CSMD2: variants seen among roughly 807,000 people sequenced by gnomAD.
CSMD2 encodes the protein CUB and Sushi multiple domains 2.
In CSMD2, 130 loss-of-function variants were observed where a neutral mutation model predicts 398.5. The ratio of observed to expected loss-of-function variants is 0.33; its 90% CI spans 0.28 to 0.38. CSMD2 has a LOEUF of 0.38. Ranked by LOEUF, CSMD2 falls within the 10% of genes least tolerant of loss-of-function variation. The pLI is 1.00. For synonymous variants in CSMD2, 1,828 were observed against 1,908.5 expected (o/e 0.96, Z 1.10); for missense variants, 3,829 against 4,764.9 (o/e 0.80, Z 5.78).
At chr1:33,805,906 T>C (rs2124942303) in intron 10 of CSMD2, among the ~76,000 whole-genome samples, 1 of 152,080 alleles carries the variant, frequency 6.6e-6, no homozygotes. Flanking sequence ...AGTATTTTGT[T>C]ACAGTAGCCT....
At chr1:34,019,829 C>G (rs192247620) in intron 3 of CSMD2, among the ~76,000 whole-genome samples, 11 of 152,282 alleles carry the variant, frequency 7.2e-5, no homozygotes, top group African/African-American at 2.6e-4. Context: ...TCCGGCCACA[C>G]CCCTGCCCTC....
At chr1:33,866,574 A>C (rs906275590) in intron 5 of CSMD2, among the ~76,000 whole-genome samples, 2 of 152,218 alleles carry the variant, frequency 1.3e-5, no homozygotes, top group South Asian at 2.1e-4. Flanking sequence ...TTCATTGAGA[A>C]AATAGAGATC....
intron 3 of CSMD2, among the ~76,000 whole-genome samples, chr1:33,968,838 C>G (rs1433207099): frequency 1.3e-5 from 2 of 152,218 alleles, no homozygotes; most frequent in Non-Finnish European, 2.9e-5. Flanking sequence ...CTGTGATTAA[C>G]TATAACTGTG....
At position 33,943,779 on chromosome 1, in the gene CSMD2, G is replaced by A. The variant is rs1644752931; in HGVS notation, c.518-7825C>T. On this transcript the variant is annotated intron_variant, in intron 3 of 70. Transcript: ENST00000373381. ...TTTTCATCTCTGGACTCCTTGAGGG[G>A]CAGGAACAGTGCTGTATTCTTTATA... 2.6e-5 allele frequency among the ~76,000 whole-genome samples: 4 copies of A among 152,090 alleles called. No individual in the cohort carries two copies. The South Asian group carries it at 8.3e-4, about 32-fold the overall frequency.
rs536339646 is a variant in CSMD2 at position 33,537,677 on chromosome 1, C to T, written c.9632-68G>A. 4.4e-5 allele frequency: 65 copies of T among 1,488,206 alleles called. No homozygotes were observed. In the African/African-American group the frequency reaches 8.1e-4, roughly 19 times the overall value. 92.2% of individuals were successfully genotyped at this position (1,488,206 alleles called of 1,614,324 possible). ...AGAACCCAATCTTCCAGTCCCACAC[C>T]CCCATCTTTGTTCTTTGCACTGCTC... On this transcript the variant is annotated intron_variant, in intron 60 of 70. Transcript: ENST00000373381. The surrounding 1 kb of genome is among the most constrained non-coding windows in gnomAD (Gnocchi z 4.6).
chr1:33,819,590 G>C (rs1486574509), intron 9 of CSMD2, 123 bp downstream of exon 9: 1 of 782,270 alleles, frequency 1.3e-6, no homozygotes. Flanking sequence ...TAAGTGCAGG[G>C]AGTGAGGGGG....
intron 17 of CSMD2, among the ~76,000 whole-genome samples, 168 bp from the exon 18 acceptor site, chr1:33,724,872 C>T (rs974869736): frequency 1.3e-5 from 2 of 152,210 alleles, no homozygotes; most frequent in Middle Eastern, 3.2e-3. Flanking sequence ...GGCTTAGGTG[C>T]TATGCTAAGG....
intron 25 of CSMD2, among the ~76,000 whole-genome samples, chr1:33,691,402 C>T (rs867742156): frequency 6.6e-6 from 1 of 152,138 alleles, no homozygotes; most frequent in Non-Finnish European, 1.5e-5. Flanking sequence ...ATGCAAAGTC[C>T]CTATGTACAC....
At chr1:33,772,412 C>T (rs1396407953) in intron 13 of CSMD2, 157 bp downstream of exon 13, 1 of 616,134 alleles carries the variant, frequency 1.6e-6, no homozygotes, top group East Asian at 2.8e-5. Flanking sequence ...AATAAGGACC[C>T]CACCAGCAAC....
chr1:33,829,483 T>C (rs1659227273), intron 6 of CSMD2, among the ~76,000 whole-genome samples: 1 of 152,226 alleles, frequency 6.6e-6, no homozygotes, highest in Non-Finnish European at 1.5e-5. Flanking sequence ...GTCGGTGTGC[T>C]GCACCCATTA....
At chr1:33,739,465 G>A (rs575693863) in intron 14 of CSMD2, 131 bp from the exon 15 acceptor site, 23 of 818,136 alleles carry the variant, frequency 2.8e-5, no homozygotes, top group African/African-American at 1.5e-4. Flanking sequence ...CCATGTTGGC[G>A]GGAGAGCTAG....
intron 2 of CSMD2, among the ~76,000 whole-genome samples, chr1:34,082,525 G>A (rs1288803590): frequency 3.3e-5 from 5 of 151,460 alleles, no homozygotes; most frequent in African/African-American, 7.3e-5. Context: ...CGCCACGTCT[G>A]GGGGGTGGGG....
intron 1 of CSMD2, among the ~76,000 whole-genome samples, chr1:34,139,912 G>A (rs1639113667): frequency 6.6e-6 from 1 of 152,158 alleles, no homozygotes; most frequent in African/African-American, 2.4e-5. Flanking sequence ...TGTGTGGGAA[G>A]GAACAGGCAA....
At chr1:34,148,148 C>T (rs563039351) in intron 1 of CSMD2, among the ~76,000 whole-genome samples, 59 of 152,340 alleles carry the variant, frequency 3.9e-4, no homozygotes, top group African/African-American at 1.4e-3. Context: ...TACCCCCTTG[C>T]CACCTACCTG....
At chr1:33,975,488 C>T (rs200631804) in intron 3 of CSMD2, among the ~76,000 whole-genome samples, 3 of 110,142 alleles carry the variant, frequency 2.7e-5, no homozygotes, top group Admixed American at 1.6e-4. Context: ...CCCAAGTGTA[C>T]ACACACACAC....
intron 5 of CSMD2, among the ~76,000 whole-genome samples, chr1:33,891,093 T>C (rs993724211): frequency 1.1e-4 from 16 of 151,942 alleles, no homozygotes; most frequent in Non-Finnish European, 2.1e-4. Flanking sequence ...CAAAAGAAAC[T>C]ACCATCAGAG....
intron 23 of CSMD2, among the ~76,000 whole-genome samples, chr1:33,699,540 A>G (rs1263794758): frequency 6.6e-6 from 1 of 152,342 alleles, no homozygotes; most frequent in Non-Finnish European, 1.5e-5. Context: ...TTCACATGAT[A>G]GAAGTGGAAT....
chr1:33,640,335 T>A (rs1014118933), intron 29 of CSMD2, among the ~76,000 whole-genome samples: 1 of 151,992 alleles, frequency 6.6e-6, no homozygotes, highest in Non-Finnish European at 1.5e-5. Context: ...TGGGAAGGAG[T>A]CCAAGATCTA....
At chr1:33,680,578 G>A (rs1344320592) in intron 25 of CSMD2, among the ~76,000 whole-genome samples, 1 of 152,134 alleles carries the variant, frequency 6.6e-6, no homozygotes, top group Non-Finnish European at 1.5e-5. Context: ...AGCCTCAGAC[G>A]GTAGCACTTC....
Sources: gnomAD v4.1 joint callset for allele counts (sites outside exome capture counted in the v4.1 genomes callset) on GRCh38, gnomAD v4.1.1 for gene constraint, Gnocchi (gnomAD v3.1) non-coding constraint, MANE v1.5 for transcripts, NCBI Gene and HGNC (gene_info 2026-07-23, HGNC 2026-07-21) for gene names.